PRRC1: variants seen among roughly 807,000 people sequenced by gnomAD.
The protein encoded by PRRC1 is proline rich coiled-coil 1, also known as protein PRRC1.
Under a neutral mutation model 40.7 loss-of-function variants are expected in PRRC1, and 39 were observed. The observed-to-expected ratio is 0.96, with a 90% CI of 0.74 to 1.25. PRRC1 has a LOEUF of 1.25. Ranked by LOEUF, PRRC1 falls within the 50% of genes most tolerant of loss-of-function variation. The pLI, the probability that PRRC1 is intolerant of heterozygous loss-of-function variation, is 0.00. For missense variants in PRRC1, 573 were observed against 548.3 expected (o/e 1.05, Z -0.45); for synonymous variants, 175 against 193.3 (o/e 0.91, Z 0.79).
At chr5:127,536,238 C>T (rs1164324845) in intron 6 of PRRC1, among the ~76,000 whole-genome samples, 1 of 151,098 alleles carries the variant, frequency 6.6e-6, no homozygotes, top group African/African-American at 2.4e-5. Flanking sequence ...GGTGTTTGGA[C>T]TTAATAAAAT....
chr5:127,535,446 C>T (rs147829462), intron 6 of PRRC1, among the ~76,000 whole-genome samples: 2 of 152,148 alleles, frequency 1.3e-5, no homozygotes, highest in African/African-American at 4.8e-5. Context: ...TACATTGTGT[C>T]AGCTGAAAGA....
intron 7 of PRRC1, among the ~76,000 whole-genome samples, chr5:127,546,264 A>G (rs1170372454): frequency 6.6e-6 from 1 of 152,114 alleles, no homozygotes; most frequent in Non-Finnish European, 1.5e-5. Flanking sequence ...TGCAGGTTCA[A>G]TTTATCTTTT....
intron 8 of PRRC1, chr5:127,548,264 A>G: frequency 2.1e-6 from 1 of 465,224 alleles, no homozygotes. Context: ...TTTATCTCAC[A>G]TTTCATTTCC....
rs546646425 is a variant in PRRC1, at chr5:127,553,920, A to G, written c.*2004A>G. 7.8e-6 allele frequency: 12 copies of G among 1,534,760 alleles called. No individual in the cohort carries two copies. The South Asian group carries it at 1.3e-4, about 17-fold the overall frequency. On this transcript the variant is annotated 3_prime_UTR_variant, in exon 9 of 9. Coordinates refer to ENST00000296666, the MANE Select transcript of PRRC1 (RefSeq NM_130809.5). ...TCGGAACCGTGTGAGTGGGTGAGGAAGATGAGAGATGGTCAGATGGAAGAG... is the reference window on the plus strand; with the variant it reads ...TCGGAACCGTGTGAGTGGGTGAGGAGGATGAGAGATGGTCAGATGGAAGAG...
rs12659514 is a variant in PRRC1 at position 127,528,833 on chromosome 5, C to A, written c.655-1461C>A. Among the ~76,000 whole-genome samples the A allele has an allele frequency of 8.5e-5, 13 of 152,118 alleles. No homozygotes were observed. In the East Asian group the frequency reaches 2.5e-3, roughly 29 times the overall value. The stretch of plus-strand genomic sequence containing the variant: ...AATGGAGTATTTCAATATCATATCC[C>A]CATTGATTTGGTATGATCCCTATAT... On this transcript the variant is annotated intron_variant, in intron 4 of 8. Coordinates refer to ENST00000296666, the MANE Select transcript of PRRC1 (RefSeq NM_130809.5).
Position 127,552,512 on chromosome 5 carries a change from A to G in PRRC1, c.*596A>G. 1.0e-6 allele frequency: 1 copy of G among 986,304 alleles called. No individual in the cohort carries two copies. Among genetic ancestry groups the G allele is most frequent in the Non-Finnish European group, 1.2e-6 (1 of 830,188 alleles). 61.1% of individuals were successfully genotyped at this position (986,304 alleles called of 1,614,324 possible). A position where few individuals can be genotyped will look rare whatever the true frequency, so the allele number is the denominator to read the frequency against. Reference sequence around the variant, plus strand: ...TTATTTTCCTTTTTGGCCATCACGTACACATGTAATCTGGAAAATCATACC... The same window carrying G: ...TTATTTTCCTTTTTGGCCATCACGTGCACATGTAATCTGGAAAATCATACC... On this transcript the variant is annotated 3_prime_UTR_variant, in exon 9 of 9. Coordinates refer to ENST00000296666, the MANE Select transcript of PRRC1 (RefSeq NM_130809.5).
At chr5:127,537,102 CT>C (rs751574258) in intron 6 of PRRC1, among the ~76,000 whole-genome samples, 6 of 151,786 alleles carry the variant, frequency 4.0e-5, no homozygotes, top group Non-Finnish European at 1.5e-5. Context: ...CAAGTATTAA[CT>C]TTATTGAAAA....
Position 127,553,123 on chromosome 5 carries a change from AT to A in PRRC1, c.*1214del. On this transcript the variant is annotated 3_prime_UTR_variant, in exon 9 of 9. Transcript: ENST00000296666. ...TAGTTTCTTATATAAATGTAATTTAATTTTTTTACTCTTCTATACAGTTCTT... is the reference window on the plus strand; with the variant it reads ...TAGTTTCTTATATAAATGTAATTTAATTTTTTACTCTTCTATACAGTTCTT... 1.1e-6 allele frequency: 1 copy of A among 940,808 alleles called. No individual in the cohort carries two copies. The highest frequency in any genetic ancestry group is 1.3e-6 in the Non-Finnish European group (1 of 789,854). The allele number at this position is 940,808 out of a possible 1,614,324, so 58.3% of individuals were successfully genotyped here. A position where few individuals can be genotyped will look rare whatever the true frequency, so the allele number is the denominator to read the frequency against.
chr5:127,551,562 A>G (rs1739339262), intron 8 of PRRC1, 145 bp from the exon 9 acceptor site: 3 of 777,364 alleles, frequency 3.9e-6, no homozygotes, highest in Non-Finnish European at 2.1e-6. Context: ...GTAAGTTGAT[A>G]TAGTTGGCAG....
At chr5:127,540,261 A>G (rs1336375394) in intron 7 of PRRC1, among the ~76,000 whole-genome samples, 1 of 152,114 alleles carries the variant, frequency 6.6e-6, no homozygotes, top group Non-Finnish European at 1.5e-5. Context: ...TGTTCATTTA[A>G]TAATTAACAT....
chr5:127,532,178 A>T (rs1295022274), intron 5 of PRRC1, among the ~76,000 whole-genome samples: 1 of 150,360 alleles, frequency 6.7e-6, no homozygotes, highest in African/African-American at 2.4e-5. Flanking sequence ...GTGCAATCTC[A>T]GCTCACTGCA....
In PRRC1 at chr5:127,554,243, C is replaced by A; in HGVS notation, c.*2327C>A. The A allele has an allele frequency of 5.9e-6, 1 of 168,982 alleles. No homozygotes were observed. The highest frequency in any genetic ancestry group is 1.3e-5 in the Non-Finnish European group (1 of 79,742). The allele number at this position is 168,982 out of a possible 1,614,324, so 10.5% of individuals were successfully genotyped here. On this transcript the variant is annotated 3_prime_UTR_variant, in exon 9 of 9. Transcript: ENST00000296666. The stretch of plus-strand genomic sequence containing the variant: ...CCAGCTTGAGTGTTCTGTTCTCTTC[C>A]TGCCCATTTCCTTGAACCTCCTGCT...
At chr5:127,523,378 T>C (rs568481955) in intron 1 of PRRC1, 82 bp from the exon 2 acceptor site, 1 of 578,724 alleles carries the variant, frequency 1.7e-6, no homozygotes, top group Non-Finnish European at 2.9e-6. Flanking sequence ...GATGATTTTT[T>C]TTTTAGTCGT....
At chr5:127,526,358 A>G (rs1027373910) in intron 3 of PRRC1, among the ~76,000 whole-genome samples, 2 of 152,224 alleles carry the variant, frequency 1.3e-5, no homozygotes, top group Non-Finnish European at 2.9e-5. Flanking sequence ...AGTGCTGAAT[A>G]GGACAGACCT....
At chr5:127,540,447 G>C (rs1259696317) in intron 7 of PRRC1, among the ~76,000 whole-genome samples, 4 of 151,990 alleles carry the variant, frequency 2.6e-5, no homozygotes, top group Non-Finnish European at 5.9e-5. Flanking sequence ...TTTGCAGTCA[G>C]TATTTGTTTA....
chr5:127,551,934 A>G lies in PRRC1; in HGVS notation c.*18A>G. 1.2e-6 allele frequency: 2 copies of G among 1,613,270 alleles called. No homozygotes were observed. Among genetic ancestry groups the G allele is most frequent in the Non-Finnish European group, 1.7e-6 (2 of 1,179,426 alleles). The stretch of plus-strand genomic sequence containing the variant: ...CAGTGTGAGAGGAGACCTACCTGGG[A>G]GACTGAGACTTTCCCCCACTTTTAG... On this transcript the variant is annotated 3_prime_UTR_variant, in exon 9 of 9. Coordinates refer to ENST00000296666, the MANE Select transcript of PRRC1 (RefSeq NM_130809.5).
chr5:127,543,493 G>C (rs1228588661), intron 7 of PRRC1, among the ~76,000 whole-genome samples: 1 of 152,012 alleles, frequency 6.6e-6, no homozygotes, highest in Non-Finnish European at 1.5e-5. Context: ...CATTCTCCCC[G>C]TCGCTTTCAG....
At chr5:127,528,417 C>T (rs1294577275) in intron 4 of PRRC1, among the ~76,000 whole-genome samples, 1 of 152,060 alleles carries the variant, frequency 6.6e-6, no homozygotes, top group Non-Finnish European at 1.5e-5. Context: ...TGGGTTCAAG[C>T]AATTCTCCTA....
chr5:127,547,503 GTA>G (rs759515098), intron 7 of PRRC1, among the ~76,000 whole-genome samples: 49 of 152,046 alleles, frequency 3.2e-4, no homozygotes, highest in Non-Finnish European at 6.3e-4. Flanking sequence ...CATATTCAAT[GTA>G]TGTAAATTTA....
Sources: gnomAD v4.1 joint callset for allele counts (sites outside exome capture counted in the v4.1 genomes callset) on GRCh38, gnomAD v4.1.1 for gene constraint, MANE v1.5 for transcripts, NCBI Gene and HGNC (gene_info 2026-07-23, HGNC 2026-07-21) for gene names.